LRBA: variants seen among roughly 807,000 people sequenced by gnomAD.
The protein encoded by LRBA is lipopolysaccharide-responsive and beige-like anchor protein.
Under a neutral mutation model 330.0 loss-of-function variants are expected in LRBA, and 176 were observed. The ratio of observed to expected loss-of-function variants is 0.53; its 90% confidence interval spans 0.47 to 0.60. The LOEUF is 0.60. Ranked by LOEUF, LRBA falls within the 20% of genes least tolerant of loss-of-function variation. The pLI is 0.00. For missense variants in LRBA, 3,259 were observed against 3,444.8 expected, an observed-to-expected ratio of 0.95 and a Z score of 1.35; for synonymous variants, 1,230 against 1,193.0, an observed-to-expected ratio of 1.03 and a Z score of -0.64.
chr4:150,597,251 C>T, intron 38 of LRBA: 3 of 401,132 alleles, frequency 7.5e-6, no homozygotes, highest in South Asian at 7.6e-5. Context: ...TTTTGTCAAA[C>T]TTTAATGCAG....
intron 40 of LRBA, among the ~76,000 whole-genome samples, chr4:150,520,522 T>G (rs574548827): frequency 6.6e-6 from 1 of 152,298 alleles, no homozygotes; most frequent in African/African-American, 2.4e-5. Context: ...GAATTGTTCA[T>G]AGAAAAAACA....
chr4:150,920,410 G>A (rs1269482589), intron 5 of LRBA, among the ~76,000 whole-genome samples: 3 of 152,098 alleles, frequency 2.0e-5, no homozygotes, highest in East Asian at 1.9e-4. Flanking sequence ...TTAGTCAGGC[G>A]TGGTCGTGGG....
intron 2 of LRBA, among the ~76,000 whole-genome samples, chr4:150,952,386 A>G (rs1019122238): frequency 3.3e-5 from 5 of 152,288 alleles, no homozygotes; most frequent in African/African-American, 1.2e-4. Flanking sequence ...CAGACAATAA[A>G]CTATTAACAA....
At chr4:150,865,389 C>G (rs1398683143) in intron 22 of LRBA, among the ~76,000 whole-genome samples, 3 of 152,124 alleles carry the variant, frequency 2.0e-5, no homozygotes, top group African/African-American at 7.2e-5. Flanking sequence ...GTGAAAGTAG[C>G]CATATACAAT....
chr4:150,647,352 CTT>C (rs769403201), intron 37 of LRBA, among the ~76,000 whole-genome samples: 1,813 of 79,832 alleles, frequency 0.023, 20 homozygotes, highest in African/African-American at 0.083. Flanking sequence ...ATTACTTTTT[CTT>C]TTTTTTTTTT....
intron 37 of LRBA, among the ~76,000 whole-genome samples, chr4:150,668,462 A>T (rs545092200): frequency 5.9e-5 from 9 of 152,286 alleles, no homozygotes; most frequent in South Asian, 2.1e-4. Flanking sequence ...TTCACTCTAG[A>T]CTTTATTTTA....
chr4:150,327,405 G>A (rs1381977109), intron 48 of LRBA, among the ~76,000 whole-genome samples: 4 of 152,142 alleles, frequency 2.6e-5, no homozygotes, highest in Non-Finnish European at 5.9e-5. Context: ...GGACAAGAGT[G>A]CAGCCTGGAC....
At chr4:150,525,601 G>A (rs933624823) in intron 40 of LRBA, among the ~76,000 whole-genome samples, 3 of 152,132 alleles carry the variant, frequency 2.0e-5, no homozygotes, top group Non-Finnish European at 4.4e-5. Context: ...CTTCCTTTTA[G>A]AGAGTTACAA....
intron 2 of LRBA, among the ~76,000 whole-genome samples, chr4:150,977,343 T>C (rs905445329): frequency 6.4e-4 from 98 of 152,198 alleles, no homozygotes; most frequent in African/African-American, 2.3e-3. Context: ...AGCTCAGTCA[T>C]GAGGACCCCA....
At chr4:150,389,676 C>CAAAAAAAAA (rs34170088) in intron 47 of LRBA, among the ~76,000 whole-genome samples, 52 of 79,818 alleles carry the variant, frequency 6.5e-4, no homozygotes, top group Non-Finnish European at 8.7e-4. Context: ...GACTCTGTCT[C>CAAAAAAAAA]AAAAAAAAAA....
At chr4:150,391,942 T>C (rs1415551905) in intron 47 of LRBA, among the ~76,000 whole-genome samples, 1 of 64,486 alleles carries the variant, frequency 1.6e-5, no homozygotes, top group Admixed American at 2.0e-4. Flanking sequence ...AATCCTAAAA[T>C]AAGAATCTGA....
chr4:150,546,165 A>G (rs1765837865), intron 40 of LRBA, among the ~76,000 whole-genome samples: 1 of 152,256 alleles, frequency 6.6e-6, no homozygotes. Context: ...CTCTAAAATC[A>G]TACTATTCAA....
chr4:150,582,824 A>G, intron 40 of LRBA: 1 of 509,958 alleles, frequency 2.0e-6, no homozygotes, highest in Non-Finnish European at 3.4e-6. Flanking sequence ...TGCAGAAGAA[A>G]AGAGGTTTCG....
chr4:150,753,284 C>A (rs1187239189), intron 35 of LRBA, among the ~76,000 whole-genome samples: 1 of 152,210 alleles, frequency 6.6e-6, no homozygotes, highest in East Asian at 1.9e-4. Context: ...ATTAGGCAGG[C>A]ATTTCTATTC....
chr4:150,678,607 T>C (rs573280363), intron 37 of LRBA, among the ~76,000 whole-genome samples: 1 of 152,322 alleles, frequency 6.6e-6, no homozygotes, highest in African/African-American at 2.4e-5. Context: ...ATTTGTTTTG[T>C]TAGCTATTGA....
At chr4:150,619,312 A>G in intron 37 of LRBA, among the ~76,000 whole-genome samples, 1 of 152,154 alleles carries the variant, frequency 6.6e-6, no homozygotes, top group East Asian at 1.9e-4. Context: ...TGACAATTGG[A>G]AGCTGATGTG....
At chr4:150,455,020 A>G (rs1327632030) in intron 44 of LRBA, among the ~76,000 whole-genome samples, 1 of 150,210 alleles carries the variant, frequency 6.7e-6, no homozygotes, top group Non-Finnish European at 1.5e-5. Context: ...ACATGTGCAC[A>G]TTGTGCAGGT....
At chr4:150,727,821 G>A (rs987013374) in intron 36 of LRBA, among the ~76,000 whole-genome samples, 1 of 151,954 alleles carries the variant, frequency 6.6e-6, no homozygotes, top group African/African-American at 2.4e-5. Flanking sequence ...AAAAGTAACA[G>A]TAAACTGAAC....
At chr4:150,394,004 T>C (rs1349122322) in intron 47 of LRBA, among the ~76,000 whole-genome samples, 2 of 152,214 alleles carry the variant, frequency 1.3e-5, no homozygotes, top group Admixed American at 6.5e-5. Flanking sequence ...GACTCACCTA[T>C]TACTTTTCTC....
Sources: allele counts gnomAD v4.1 joint callset (sites outside exome capture counted in the v4.1 genomes callset), GRCh38; gene constraint gnomAD v4.1.1; transcripts MANE v1.5; gene names NCBI Gene and HGNC (gene_info 2026-07-23, HGNC 2026-07-21).